PRELID2: variants seen among roughly 807,000 people sequenced by gnomAD.
PRELID2 encodes PRELI domain-containing protein 2.
Under a neutral mutation model 28.4 loss-of-function variants are expected in PRELID2, and 25 were observed. The ratio of observed to expected loss-of-function variants is 0.88; its 90% CI spans 0.64 to 1.23. The LOEUF (loss-of-function observed/expected upper bound fraction) is 1.23, where lower values mean the gene tolerates loss of function less well. PRELID2 is among the 50% of genes most tolerant of loss of function. The pLI is 0.00. For synonymous variants in PRELID2, 76 were observed against 71.6 expected (o/e 1.06, Z -0.31); for missense variants, 201 against 214.4 (o/e 0.94, Z 0.39).
At chr5:145,671,019 T>C (rs1754696016) in intron 1 of PRELID2, among the ~76,000 whole-genome samples, 1 of 152,184 alleles carries the variant, frequency 6.6e-6, no homozygotes, top group African/African-American at 2.4e-5. Flanking sequence ...GATAATGATA[T>C]TGATTTCACA....
the PRELID2 span, among the ~76,000 whole-genome samples, chr5:145,243,507 A>AT: frequency 6.6e-6 from 1 of 152,046 alleles, no homozygotes; most frequent in African/African-American, 2.4e-5. Context: ...TAGCACCTCA[A>AT]TTTTGTTTTG....
At chr5:145,501,993 C>T (rs1486403990) in intron 1 of PRELID2, among the ~76,000 whole-genome samples, 1 of 152,138 alleles carries the variant, frequency 6.6e-6, no homozygotes, top group African/African-American at 2.4e-5. Context: ...CACACACACC[C>T]CTAGAAACTG....
chr5:145,767,074 C>T (rs1442683475), intron 5 of PRELID2, among the ~76,000 whole-genome samples: 1 of 152,118 alleles, frequency 6.6e-6, no homozygotes, highest in South Asian at 2.1e-4. Flanking sequence ...TCAGAATATA[C>T]ATTCCCGTTT....
the PRELID2 span, among the ~76,000 whole-genome samples, chr5:145,232,756 C>A: frequency 6.6e-6 from 1 of 152,054 alleles, no homozygotes; most frequent in East Asian, 1.9e-4. Flanking sequence ...TATATCACCT[C>A]TTCATGTTCA....
chr5:145,782,005 T>G (rs182643776), intron 5 of PRELID2, among the ~76,000 whole-genome samples: 1 of 152,174 alleles, frequency 6.6e-6, no homozygotes, highest in Admixed American at 6.5e-5. Context: ...GGTTGGAATT[T>G]CCATCCAGCA....
intron 1 of PRELID2, among the ~76,000 whole-genome samples, chr5:145,740,970 T>C (rs1315309089): frequency 1.1e-5 from 1 of 91,350 alleles, no homozygotes; most frequent in Non-Finnish European, 1.9e-5. Flanking sequence ...AAAGTATATA[T>C]TATATATTTG....
the PRELID2 span, among the ~76,000 whole-genome samples, chr5:145,413,867 A>G: frequency 6.6e-6 from 1 of 152,124 alleles, no homozygotes; most frequent in Non-Finnish European, 1.5e-5. Context: ...TGCTGCATAT[A>G]ACAGGATTTT....
Position 145,622,769 on chromosome 5 carries a change from A to G in PRELID2, n.70+142162T>C, listed in dbSNP as rs1753789715. 2.6e-5 allele frequency among the ~76,000 whole-genome samples: 4 copies of G among 152,058 alleles called. No individual in the cohort carries two copies. In the South Asian group the frequency reaches 8.3e-4, roughly 31 times the overall value. ...GTTCTGAAAGTATAAATAGAGAAAA[A>G]TGGAATAAGTAATTTAAGATAAACA... On this transcript the variant is annotated intron_variant and non_coding_transcript_variant, in intron 1 of 2. Transcript: ENST00000510259.
At chr5:145,531,133 G>A (rs757385017) in intron 1 of PRELID2, among the ~76,000 whole-genome samples, 10 of 151,998 alleles carry the variant, frequency 6.6e-5, no homozygotes, top group Non-Finnish European at 1.3e-4. Flanking sequence ...TCACTATATG[G>A]ATGCTAGTCA....
the PRELID2 span, among the ~76,000 whole-genome samples, chr5:145,365,431 AAATTT>A: frequency 0.22 from 34,035 of 151,636 alleles, 4,060 homozygotes; most frequent in South Asian, 0.34. Flanking sequence ...AAAATTTTAT[AAATTT>A]AATTTAATCT....
At chr5:145,811,345 A>G (rs1176577645) in intron 4 of PRELID2, among the ~76,000 whole-genome samples, 1 of 152,020 alleles carries the variant, frequency 6.6e-6, no homozygotes, top group East Asian at 1.9e-4. Context: ...TTGGAATTCA[A>G]TGGCAGGATC....
intron 1 of PRELID2, among the ~76,000 whole-genome samples, chr5:145,831,395 T>C (rs1385573406): frequency 6.6e-6 from 1 of 152,254 alleles, no homozygotes; most frequent in Non-Finnish European, 1.5e-5. Flanking sequence ...TGTGAGCTTA[T>C]GGAGTGGACC....
intron 1 of PRELID2, among the ~76,000 whole-genome samples, chr5:145,748,256 A>T (rs1185268508): frequency 6.6e-6 from 1 of 152,194 alleles, no homozygotes; most frequent in Non-Finnish European, 1.5e-5. Flanking sequence ...TGTTTAGCGA[A>T]CCCTTCATCT....
chr5:145,619,854 C>A (rs1478360179), intron 1 of PRELID2, among the ~76,000 whole-genome samples: 2 of 151,994 alleles, frequency 1.3e-5, no homozygotes, highest in Non-Finnish European at 1.5e-5. Context: ...TCAAGACAAT[C>A]AGTAAATATA....
At chr5:145,318,353 G>C in the PRELID2 span, among the ~76,000 whole-genome samples, 1 of 152,102 alleles carries the variant, frequency 6.6e-6, no homozygotes, top group East Asian at 1.9e-4. Flanking sequence ...CTCATGACCT[G>C]AGTTTTATTT....
chr5:145,304,161 A>C, the PRELID2 span, among the ~76,000 whole-genome samples: 42 of 152,314 alleles, frequency 2.8e-4, no homozygotes, highest in African/African-American at 9.9e-4. Flanking sequence ...AATAAAACAT[A>C]ATGGATAATA....
At chr5:145,516,561 C>T (rs1752518647) in intron 1 of PRELID2, among the ~76,000 whole-genome samples, 1 of 152,096 alleles carries the variant, frequency 6.6e-6, no homozygotes, top group East Asian at 1.9e-4. Context: ...GGCCATATTG[C>T]CCAAAGTAAT....
the PRELID2 span, among the ~76,000 whole-genome samples, chr5:145,250,852 G>T: frequency 6.6e-6 from 1 of 152,130 alleles, no homozygotes; most frequent in Non-Finnish European, 1.5e-5. Context: ...TTAGGTTGTG[G>T]ATACTATAAT....
the PRELID2 span, among the ~76,000 whole-genome samples, chr5:145,260,327 A>G: frequency 1.3e-5 from 2 of 152,350 alleles, no homozygotes; most frequent in East Asian, 1.9e-4. Flanking sequence ...CACATGAAGC[A>G]GAAATCAACG....
Sources: allele counts gnomAD v4.1 joint callset (sites outside exome capture counted in the v4.1 genomes callset), GRCh38; gene constraint gnomAD v4.1.1; transcripts MANE v1.5; gene names NCBI Gene and HGNC (gene_info 2026-07-23, HGNC 2026-07-21).